Variants in CELF1 observed in about 807,000 individuals in gnomAD.
The protein encoded by CELF1 is CUGBP Elav-like family member 1.
A neutral mutation model predicts 61.8 loss-of-function variants in CELF1; 10 were observed. The ratio of observed to expected loss-of-function variants is 0.16; its 90% confidence interval spans 0.10 to 0.27. The LOEUF is 0.27. Ranked by LOEUF, CELF1 falls within the 10% of genes least tolerant of loss-of-function variation. The pLI is 1.00. For synonymous variants in CELF1, 236 were observed against 225.1 expected, an observed-to-expected ratio of 1.05 and a Z score of -0.43; for missense variants, 380 against 639.1, an observed-to-expected ratio of 0.59 and a Z score of 4.37.
chr11:47,504,810 G>A (rs1031566926), intron 1 of CELF1, among the ~76,000 whole-genome samples: 3 of 149,000 alleles, frequency 2.0e-5, no homozygotes, highest in Admixed American at 6.8e-5. Flanking sequence ...GCTGAGACAG[G>A]AGAATCGCTT....
rs932599044 is a variant in CELF1, at chr11:47,472,156, C to A, written c.*74G>T. On this transcript the variant is annotated 3_prime_UTR_variant, in exon 15 of 15. Coordinates refer to ENST00000687097, the MANE Select transcript of CELF1 (RefSeq NM_001376376.1). ...GGGCTGTCAACACACAGCCTCAGGGCTTCGAATCATTAAGGGTGCTCCTCC... is the reference window on the plus strand; with the variant it reads ...GGGCTGTCAACACACAGCCTCAGGGATTCGAATCATTAAGGGTGCTCCTCC... 8.3e-6 allele frequency: 13 copies of A among 1,567,306 alleles called. No homozygotes were observed. Among genetic ancestry groups the A allele is most frequent in the Non-Finnish European group, 1.1e-5 (13 of 1,146,018 alleles).
intron 13 of CELF1, among the ~76,000 whole-genome samples, chr11:47,473,507 C>T (rs1386001270): frequency 2.0e-5 from 3 of 152,028 alleles, no homozygotes; most frequent in African/African-American, 7.3e-5. Flanking sequence ...TAAAGCAGGC[C>T]GACTTGTGTG....
intron 6 of CELF1, among the ~76,000 whole-genome samples, chr11:47,486,546 A>T (rs1033310845): frequency 1.3e-5 from 2 of 151,930 alleles, no homozygotes; most frequent in African/African-American, 4.8e-5. Flanking sequence ...AGTAGCTGGG[A>T]TTACAGGCAT....
chr11:47,551,694 CAA>C (rs1418758463), intron 1 of CELF1, among the ~76,000 whole-genome samples: 2 of 152,120 alleles, frequency 1.3e-5, no homozygotes, highest in Non-Finnish European at 2.9e-5. Context: ...CATGGGTAAT[CAA>C]AGACAGTGAA....
intron 3 of CELF1, among the ~76,000 whole-genome samples, chr11:47,498,944 GA>G (rs2153539637): frequency 6.6e-6 from 1 of 152,114 alleles, no homozygotes; most frequent in South Asian, 2.1e-4. Flanking sequence ...GGGGTGGGGG[GA>G]ATCAAGGTCC....
chr11:47,561,618 C>T (rs941652810), intron 2 of CELF1, among the ~76,000 whole-genome samples: 1 of 152,128 alleles, frequency 6.6e-6, no homozygotes, highest in Admixed American at 6.6e-5. Context: ...ACTGACAGTT[C>T]TTCAAAAGGT....
intron 1 of CELF1, among the ~76,000 whole-genome samples, chr11:47,544,906 G>A (rs1465337554): frequency 1.3e-5 from 2 of 152,142 alleles, no homozygotes; most frequent in East Asian, 1.9e-4. Flanking sequence ...AGGTTGCAGT[G>A]AGCTGAGATG....
chr11:47,513,602 G>A (rs1299805153), intron 1 of CELF1: 2 of 151,900 alleles, frequency 1.3e-5, no homozygotes, highest in Non-Finnish European at 2.9e-5. Flanking sequence ...TGGGACTACA[G>A]GCACCCGCCA....
rs148904542 is a variant in CELF1 at position 47,473,662 on chromosome 11, G to A, written c.1274-431C>T. Among the ~76,000 whole-genome samples, 726 of 152,300 alleles carry A rather than the reference G, an allele frequency of 4.8e-3. 5 individuals are homozygous for A. Among genetic ancestry groups the A allele is most frequent in the Non-Finnish European group, 7.6e-3 (514 of 68,026 alleles). ...TTGGTAGTTGCCAGATGCAGGGAAT[G>A]ACTACAAAGGGGCACGAGGGAATTT... On this transcript the variant is annotated intron_variant, in intron 13 of 14. Coordinates refer to ENST00000687097, the MANE Select transcript of CELF1 (RefSeq NM_001376376.1).
At chr11:47,489,935 G>GTGTTTTTTTTTTTTTT (rs2090198065) in intron 3 of CELF1, among the ~76,000 whole-genome samples, 1 of 48,226 alleles carries the variant, frequency 2.1e-5, no homozygotes, top group Admixed American at 3.0e-4. Context: ...ATACCATCTT[G>GTGTTTTTTTTTTTTTT]TTTTTTTTTT....
chr11:47,554,663 G>GTT (rs35866451), upstream of CELF1, among the ~76,000 whole-genome samples: 151 of 142,280 alleles, frequency 1.1e-3, no homozygotes, highest in Middle Eastern at 7.2e-3. Flanking sequence ...ATCTAACACA[G>GTT]TTTTTTTTTT....
At chr11:47,508,568 TTAA>T (rs764507627) in intron 1 of CELF1, among the ~76,000 whole-genome samples, 182 of 4,368 alleles carry the variant, frequency 0.042, no homozygotes, top group Non-Finnish European at 0.084. Context: ...ATGAATTTCT[TTAA>T]AAAAAAAAAA....
chr11:47,537,923 T>C (rs1041897410), intron 1 of CELF1, among the ~76,000 whole-genome samples: 4 of 152,018 alleles, frequency 2.6e-5, no homozygotes, highest in African/African-American at 9.7e-5. Context: ...CTTTTCTTTT[T>C]TTTTTTTTAA....
At chr11:47,541,678 G>T (rs1457667905) in intron 1 of CELF1, among the ~76,000 whole-genome samples, 1 of 92,852 alleles carries the variant, frequency 1.1e-5, no homozygotes, top group African/African-American at 5.8e-5. Flanking sequence ...GTGACAGGGC[G>T]AGACTGTCAA....
chr11:47,515,781 G>C (rs1258077377), intron 1 of CELF1, among the ~76,000 whole-genome samples: 2 of 152,188 alleles, frequency 1.3e-5, no homozygotes, highest in African/African-American at 4.8e-5. Context: ...AAGGGATTAA[G>C]AGACCTGGGT....
chr11:47,534,847 C>T (rs2096588748), intron 1 of CELF1, among the ~76,000 whole-genome samples: 1 of 152,166 alleles, frequency 6.6e-6, no homozygotes, highest in Non-Finnish European at 1.5e-5. Context: ...GGGAGATGAA[C>T]TGCCACTCCC....
intron 12 of CELF1, 111 bp from the exon 13 acceptor site, chr11:47,475,632 T>C: frequency 1.9e-6 from 2 of 1,035,490 alleles, no homozygotes; most frequent in East Asian, 2.5e-5. Flanking sequence ...CTCCCCTTTA[T>C]CTCCCTCTTA....
chr11:47,538,236 G>C (rs1007229737), intron 1 of CELF1, among the ~76,000 whole-genome samples: 4 of 152,120 alleles, frequency 2.6e-5, no homozygotes, highest in Non-Finnish European at 5.9e-5. Flanking sequence ...AGATATATTT[G>C]CAATCATCAT....
intron 1 of CELF1, among the ~76,000 whole-genome samples, chr11:47,502,245 C>T (rs138945751): frequency 9.9e-5 from 15 of 152,218 alleles, no homozygotes; most frequent in Admixed American, 3.9e-4. Context: ...AAAGCAACAC[C>T]GCTTTAAAAA....
Sources: gnomAD v4.1 joint callset for allele counts (sites outside exome capture counted in the v4.1 genomes callset) on GRCh38, gnomAD v4.1.1 for gene constraint, MANE v1.5 for transcripts, NCBI Gene and HGNC (gene_info 2026-07-23, HGNC 2026-07-21) for gene names.